The following DAB1 variants were observed in gnomAD, a reference collection of about 807,000 sequenced individuals.
DAB1 encodes DAB adaptor protein 1, also known as disabled homolog 1.
A neutral mutation model predicts 64.6 loss-of-function variants in DAB1; 15 were observed. The ratio of observed to expected loss-of-function variants is 0.23; its 90% CI spans 0.16 to 0.36. DAB1 has a LOEUF of 0.36. Among genes scored for constraint, DAB1 ranks in the 10% least tolerant of loss-of-function variants. DAB1 has a pLI of 1.00. For missense variants in DAB1, 596 were observed against 706.7 expected (o/e 0.84, Z 1.78); for synonymous variants, 235 against 251.9 (o/e 0.93, Z 0.64).
intron 11 of DAB1, among the ~76,000 whole-genome samples, chr1:57,018,714 G>C (rs1360454250): frequency 6.6e-6 from 1 of 152,116 alleles, no homozygotes; most frequent in Admixed American, 6.5e-5. Context: ...CACCCTCCTT[G>C]CTGCCATGAA....
At chr1:58,179,472 T>C (rs1025769424) in intron 4 of DAB1, among the ~76,000 whole-genome samples, 5 of 152,138 alleles carry the variant, frequency 3.3e-5, no homozygotes, top group African/African-American at 9.6e-5. Context: ...GCTGGGGCTT[T>C]TCTTTGTCAG....
chr1:57,998,851 T>G (rs1646466987), intron 5 of DAB1, among the ~76,000 whole-genome samples: 1 of 152,236 alleles, frequency 6.6e-6, no homozygotes, highest in Admixed American at 6.5e-5. Flanking sequence ...TGGACATTAG[T>G]AACAGAGTTT....
At chr1:58,341,438 T>C (rs1229962771) in intron 4 of DAB1, among the ~76,000 whole-genome samples, 1 of 152,134 alleles carries the variant, frequency 6.6e-6, no homozygotes, top group Admixed American at 6.6e-5. Flanking sequence ...CCACTTATGA[T>C]AGTGGGAAGC....
At chr1:57,081,981 T>G (rs1301921563) in intron 4 of DAB1, among the ~76,000 whole-genome samples, 1 of 152,148 alleles carries the variant, frequency 6.6e-6, no homozygotes, top group Non-Finnish European at 1.5e-5. Context: ...CAATACAAAC[T>G]TGAATTAAAA....
intron 7 of DAB1, among the ~76,000 whole-genome samples, chr1:57,530,976 C>A (rs1322714437): frequency 6.6e-6 from 1 of 152,154 alleles, no homozygotes; most frequent in Admixed American, 6.5e-5. Flanking sequence ...ATTGTCAAAT[C>A]AGTCACTCCA....
intron 4 of DAB1, among the ~76,000 whole-genome samples, chr1:58,322,413 T>G (rs572529989): frequency 3.3e-5 from 5 of 151,976 alleles, no homozygotes; most frequent in African/African-American, 1.2e-4. Context: ...AAAAACCCCA[T>G]CAAAAAATGG....
chr1:58,198,051 G>C (rs1657786205), intron 4 of DAB1, among the ~76,000 whole-genome samples: 1 of 152,180 alleles, frequency 6.6e-6, no homozygotes, highest in Non-Finnish European at 1.5e-5. Context: ...TCATATCATG[G>C]TAGGCAGGAC....
intron 7 of DAB1, among the ~76,000 whole-genome samples, chr1:57,557,897 A>G (rs1645008532): frequency 6.6e-6 from 1 of 152,176 alleles, no homozygotes; most frequent in South Asian, 2.1e-4. Context: ...CCGGCTTCAG[A>G]AGCAGATACT....
At chr1:57,473,331 C>T (rs552833127) in intron 7 of DAB1, among the ~76,000 whole-genome samples, 4 of 152,258 alleles carry the variant, frequency 2.6e-5, no homozygotes, top group South Asian at 2.1e-4. Flanking sequence ...TATTGATTGC[C>T]GCCCTTCTCT....
intron 2 of DAB1, among the ~76,000 whole-genome samples, chr1:57,238,860 TACACAC>T (rs1281270538): frequency 4.0e-4 from 54 of 134,028 alleles, no homozygotes; most frequent in South Asian, 1.3e-3. Flanking sequence ...CACACACACA[TACACAC>T]ACACACACAC....
chr1:58,486,405 C>T (rs1437988939), intron 3 of DAB1, among the ~76,000 whole-genome samples: 2 of 152,160 alleles, frequency 1.3e-5, no homozygotes, highest in African/African-American at 2.4e-5. Context: ...ATCTTTCTCC[C>T]GTTACCAACT....
intron 5 of DAB1, chr1:58,049,448 T>TG: frequency 6.2e-6 from 2 of 321,534 alleles, no homozygotes; most frequent in Non-Finnish European, 1.2e-5. Context: ...ATTGAAAGGT[T>TG]CTATGGGGCC....
At chr1:58,279,196 A>C (rs1474814602) in intron 4 of DAB1, among the ~76,000 whole-genome samples, 1 of 152,244 alleles carries the variant, frequency 6.6e-6, no homozygotes, top group African/African-American at 2.4e-5. Flanking sequence ...AGATTCCTGA[A>C]AGGCACTTGG....
intron 1 of DAB1, among the ~76,000 whole-genome samples, chr1:57,384,746 G>A (rs1191102367): frequency 1.3e-5 from 2 of 152,136 alleles, no homozygotes; most frequent in South Asian, 2.1e-4. Context: ...GAAAAATGGG[G>A]AGTTATTGTT....
At chr1:57,698,013 TG>T (rs1557429494) in intron 6 of DAB1, among the ~76,000 whole-genome samples, 1 of 152,126 alleles carries the variant, frequency 6.6e-6, no homozygotes, top group Admixed American at 6.5e-5. Flanking sequence ...CTTTCCTGTT[TG>T]GTGTATTTTG....
chr1:57,382,398 A>G (rs2100974766), intron 1 of DAB1, among the ~76,000 whole-genome samples: 1 of 152,288 alleles, frequency 6.6e-6, no homozygotes, highest in East Asian at 1.9e-4. Flanking sequence ...CATTCTCAAC[A>G]AACGTTTATT....
In DAB1 at chr1:58,066,880, C is replaced by T. The variant is rs189234936; in HGVS notation, n.387+83631G>A. Among the ~76,000 whole-genome samples, 3 of 152,312 alleles carry T rather than the reference C, an allele frequency of 2.0e-5. 1 individual carries two copies. The highest frequency in any genetic ancestry group is 4.1e-4 in the South Asian group (2 of 4,826). Reference sequence around the variant, plus strand: ...CAAAACAAAATTGAATGACATCTTTCTCTGCTGAATACCTTCAGCGACTCT... The same window carrying T: ...CAAAACAAAATTGAATGACATCTTTTTCTGCTGAATACCTTCAGCGACTCT... On this transcript the variant is annotated intron_variant and non_coding_transcript_variant, in intron 5 of 20. Transcript: ENST00000485760.
chr1:58,390,014 C>T (rs1644463406), intron 3 of DAB1, among the ~76,000 whole-genome samples: 1 of 152,064 alleles, frequency 6.6e-6, no homozygotes, highest in East Asian at 1.9e-4. Flanking sequence ...TGGTTCCTCT[C>T]CATGGTAGCC....
At chr1:58,307,703 G>T (rs1352136271) in intron 4 of DAB1, among the ~76,000 whole-genome samples, 6 of 152,004 alleles carry the variant, frequency 3.9e-5, no homozygotes, top group Non-Finnish European at 7.4e-5. Flanking sequence ...CAGATGGAGG[G>T]AAGAAGCATA....
Sources: gnomAD v4.1 joint callset for allele counts (sites outside exome capture counted in the v4.1 genomes callset) on GRCh38, gnomAD v4.1.1 for gene constraint, MANE v1.5 for transcripts, NCBI Gene and HGNC (gene_info 2026-07-23, HGNC 2026-07-21) for gene names.